Variants in PLOD2 observed in about 807,000 individuals in gnomAD.
PLOD2 encodes lysine hydroxylase 2.
Under a neutral mutation model 101.0 loss-of-function variants are expected in PLOD2, and 65 were observed. That is an observed-to-expected ratio of 0.64 (90% CI 0.53 to 0.79). PLOD2 has a LOEUF of 0.79. PLOD2 is among the 30% of genes least tolerant of loss of function. The pLI is 0.00. For synonymous variants in PLOD2, 314 were observed against 302.9 expected, an observed-to-expected ratio of 1.04 and a Z score of -0.38; for missense variants, 909 against 914.6, an observed-to-expected ratio of 0.99 and a Z score of 0.08.
chr3:146,080,525 C>G (rs887487587), intron 12 of PLOD2, among the ~76,000 whole-genome samples: 1 of 151,424 alleles, frequency 6.6e-6, no homozygotes, highest in Non-Finnish European at 1.5e-5. Flanking sequence ...CACACACATA[C>G]ACACACACAC....
At position 146,133,290 on chromosome 3, in the gene PLOD2, G is replaced by A. The variant is rs533032098; in HGVS notation, c.110-9061C>T. Reference sequence around the variant, plus strand: ...AGCAACAACTGATCAAGAAAATTATGAGAAAACCTTGAAATAAATACAGTG... The same window carrying A: ...AGCAACAACTGATCAAGAAAATTATAAGAAAACCTTGAAATAAATACAGTG... On this transcript the variant is annotated intron_variant, in intron 1 of 19. Coordinates refer to ENST00000282903, the MANE Select transcript of PLOD2 (RefSeq NM_182943.3). Among the ~76,000 whole-genome samples the A allele has an allele frequency of 9.3e-4, 142 of 152,260 alleles. 1 individual carries two copies. The highest frequency in any genetic ancestry group is 3.8e-3 in the Admixed American group (58 of 15,296).
At chr3:146,130,950 A>C (rs2030874404) in intron 1 of PLOD2, among the ~76,000 whole-genome samples, 1 of 152,182 alleles carries the variant, frequency 6.6e-6, no homozygotes, top group Non-Finnish European at 1.5e-5. Flanking sequence ...AAGGGTTCCC[A>C]TCATTCCTAG....
intron 1 of PLOD2, among the ~76,000 whole-genome samples, chr3:146,133,107 C>T (rs1425468638): frequency 1.3e-5 from 2 of 152,000 alleles, no homozygotes; most frequent in African/African-American, 4.8e-5. Flanking sequence ...ACCCAGGAGG[C>T]GGAGCTTGCA....
At position 146,089,005 on chromosome 3, in the gene PLOD2, G is replaced by C. The variant is rs182931065; in HGVS notation, c.880-294C>G. Among the ~76,000 whole-genome samples the C allele has an allele frequency of 2.4e-3, 360 of 151,640 alleles. 2 individuals are homozygous for C. Among genetic ancestry groups the C allele is most frequent in the African/African-American group, 8.3e-3 (345 of 41,492 alleles). On this transcript the variant is annotated intron_variant, in intron 8 of 19. Coordinates refer to ENST00000282903, the MANE Select transcript of PLOD2 (RefSeq NM_182943.3). ...ATGGTACTGCCTACACTACTAGTCA[G>C]TGCTTCCTTTAAAATAGCCCTTGCA...
At chr3:146,134,282 T>C (rs1242835378) in intron 1 of PLOD2, among the ~76,000 whole-genome samples, 1 of 152,178 alleles carries the variant, frequency 6.6e-6, no homozygotes, top group Non-Finnish European at 1.5e-5. Context: ...ATGTTTCCTA[T>C]CTTTATAAAA....
chr3:146,092,064 A>G (rs1936993478), intron 7 of PLOD2, among the ~76,000 whole-genome samples, 163 bp from the exon 8 acceptor site: 1 of 151,912 alleles, frequency 6.6e-6, no homozygotes, highest in Admixed American at 6.6e-5. Context: ...AGTCTTCTCC[A>G]GAATATGAAT....
At chr3:146,157,442 C>T (rs572828875) in intron 1 of PLOD2, among the ~76,000 whole-genome samples, 5 of 152,228 alleles carry the variant, frequency 3.3e-5, no homozygotes, top group African/African-American at 1.2e-4. Flanking sequence ...TAGACTTAAA[C>T]AATAAACAGG....
At chr3:146,153,377 AC>A (rs1422286904) in intron 1 of PLOD2, among the ~76,000 whole-genome samples, 5 of 152,310 alleles carry the variant, frequency 3.3e-5, no homozygotes, top group South Asian at 2.1e-4. Flanking sequence ...TGTTTAAAGA[AC>A]CTGTTAGAGA....
At chr3:146,099,046 AT>A (rs1937294918) in intron 7 of PLOD2, among the ~76,000 whole-genome samples, 1 of 152,192 alleles carries the variant, frequency 6.6e-6, no homozygotes, top group Non-Finnish European at 1.5e-5. Context: ...CAAATATAAT[AT>A]CTATAATAAA....
In PLOD2 at chr3:146,148,540, A is replaced by G. The variant is rs560388567; in HGVS notation, c.109+12341T>C. 3.3e-5 allele frequency among the ~76,000 whole-genome samples: 5 copies of G among 152,208 alleles called. No individual in the cohort carries two copies. The South Asian group carries it at 8.3e-4, about 25-fold the overall frequency. Reference sequence around the variant, plus strand: ...CTTGTATAGTGAGCGCCCTCTGGCTATATCAAGAAAGCAAACACTCCTCTG... The same window carrying G: ...CTTGTATAGTGAGCGCCCTCTGGCTGTATCAAGAAAGCAAACACTCCTCTG... On this transcript the variant is annotated intron_variant, in intron 1 of 19. Transcript: ENST00000282903.
chr3:146,076,863 T>C lies in PLOD2; in HGVS notation c.1596A>G (p.Glu532=), dbSNP rs1328649957. The change falls in exon 15 of 20, where the codon GAA becomes GAG. Residue 532 remains glutamate, a synonymous_variant. Coordinates refer to ENST00000282903, the MANE Select transcript of PLOD2 (RefSeq NM_182943.3). ...GVFMYISNRH[E]FGRLLSTANY... is the part of the protein sequence containing the mutation. ...TAGCAGTGGATAATAGCCTTCCAAA[T>C]TCATGTCTATTAGAAATGTACATAA... 1.3e-6 allele frequency: 2 copies of C among 1,576,708 alleles called. No homozygotes were observed. Among genetic ancestry groups the C allele is most frequent in the Admixed American group, 1.7e-5 (1 of 59,644 alleles).
At chr3:146,130,127 T>A (rs949205043) in intron 1 of PLOD2, among the ~76,000 whole-genome samples, 1 of 152,248 alleles carries the variant, frequency 6.6e-6, no homozygotes, top group South Asian at 2.1e-4. Context: ...TCCAACCACA[T>A]TGGCCTGTAT....
At chr3:146,154,905 T>A (rs886461307) in intron 1 of PLOD2, among the ~76,000 whole-genome samples, 15 of 152,248 alleles carry the variant, frequency 9.9e-5, no homozygotes, top group African/African-American at 3.4e-4. Flanking sequence ...TACACTTCCC[T>A]CTTTTAATAC....
intron 1 of PLOD2, among the ~76,000 whole-genome samples, chr3:146,136,166 T>C (rs1007250495): frequency 1.3e-5 from 2 of 152,206 alleles, no homozygotes; most frequent in African/African-American, 4.8e-5. Flanking sequence ...CTTCTACATG[T>C]TGCAATTATA....
chr3:146,116,274 C>T (rs148565571), intron 3 of PLOD2, among the ~76,000 whole-genome samples: 28 of 152,034 alleles, frequency 1.8e-4, no homozygotes, highest in Admixed American at 2.6e-4. Context: ...GACACACACA[C>T]GCACACACAC....
At chr3:146,146,601 T>C (rs2031792708) in intron 1 of PLOD2, among the ~76,000 whole-genome samples, 1 of 152,122 alleles carries the variant, frequency 6.6e-6, no homozygotes, top group Non-Finnish European at 1.5e-5. Flanking sequence ...TTCTGCATTG[T>C]TGGTATAGTC....
At chr3:146,112,935 T>C (rs988959837) in intron 3 of PLOD2, among the ~76,000 whole-genome samples, 2 of 151,624 alleles carry the variant, frequency 1.3e-5, no homozygotes, top group Non-Finnish European at 2.9e-5. Flanking sequence ...GTAACAAACC[T>C]GCACGTTCTG....
intron 7 of PLOD2, among the ~76,000 whole-genome samples, chr3:146,093,055 G>A (rs1937030494): frequency 6.6e-6 from 1 of 152,082 alleles, no homozygotes; most frequent in Non-Finnish European, 1.5e-5. Context: ...ATCAAAAAAT[G>A]TACCAAAGTG....
At chr3:146,145,538 T>A (rs1045091979) in intron 1 of PLOD2, among the ~76,000 whole-genome samples, 2 of 152,166 alleles carry the variant, frequency 1.3e-5, no homozygotes, top group Non-Finnish European at 2.9e-5. Flanking sequence ...AGCAGGAGTT[T>A]CAGCCATAAG....
Sources: gnomAD v4.1 joint callset for allele counts (sites outside exome capture counted in the v4.1 genomes callset) on GRCh38, gnomAD v4.1.1 for gene constraint, MANE v1.5 for transcripts, NCBI Gene and HGNC (gene_info 2026-07-23, HGNC 2026-07-21) for gene names.